ATP8B4: variants seen among roughly 807,000 people sequenced by gnomAD.
ATP8B4 encodes probable phospholipid-transporting ATPase IM.
ATP8B4 carries 133 observed loss-of-function variants against 145.6 expected under a neutral mutation model. That is an observed-to-expected ratio of 0.91 (90% CI 0.79 to 1.05). ATP8B4 has a LOEUF of 1.05. Among genes scored for constraint, ATP8B4 ranks in the 50% least tolerant of loss-of-function variants. The pLI is 0.00. For synonymous variants in ATP8B4, 507 were observed against 492.9 expected (o/e 1.03, Z -0.38); for missense variants, 1,458 against 1,425.2 (o/e 1.02, Z -0.37).
At chr15:50,112,285 C>G (rs2153672307) in intron 1 of ATP8B4, among the ~76,000 whole-genome samples, 1 of 152,198 alleles carries the variant, frequency 6.6e-6, no homozygotes, top group Admixed American at 6.5e-5. Flanking sequence ...CTTGCTGGCC[C>G]AGAGACCTGC....
At chr15:50,014,238 C>A (rs1034668925) in intron 6 of ATP8B4, among the ~76,000 whole-genome samples, 2 of 152,094 alleles carry the variant, frequency 1.3e-5, no homozygotes, top group Admixed American at 6.6e-5. Context: ...ACCAATCAAT[C>A]CACTTAACCC....
chr15:49,863,041 C>G (rs1295851506), intron 26 of ATP8B4, among the ~76,000 whole-genome samples: 1 of 152,188 alleles, frequency 6.6e-6, no homozygotes, highest in East Asian at 1.9e-4. Flanking sequence ...CACATCAAAG[C>G]TACACAAAAA....
rs115144270 is a variant in ATP8B4 at position 49,981,458 on chromosome 15, T to C, written c.749-164A>G. Among the ~76,000 whole-genome samples the C allele has an allele frequency of 9.5e-3, 1,447 of 152,244 alleles. 26 individuals carry two copies. The highest frequency in any genetic ancestry group is 0.033 in the African/African-American group (1,375 of 41,552). ...TAAGTTGTACATGATTCTCAACAAT[T>C]AGGTTAACAACAATCCTGGAAGCTG... is the stretch of plus-strand genomic sequence containing the variant. On this transcript the variant is annotated intron_variant, in intron 10 of 27. Coordinates refer to ENST00000284509, the MANE Select transcript of ATP8B4 (RefSeq NM_024837.4).
intron 26 of ATP8B4, among the ~76,000 whole-genome samples, chr15:49,862,893 T>C (rs55874526): frequency 1.6e-3 from 240 of 152,326 alleles, no homozygotes; most frequent in African/African-American, 5.5e-3. Context: ...AAGCATTCTC[T>C]CACCCAGGCT....
At chr15:49,950,504 T>TATG (rs2042965443) in intron 14 of ATP8B4, among the ~76,000 whole-genome samples, 1 of 151,532 alleles carries the variant, frequency 6.6e-6, no homozygotes, top group Non-Finnish European at 1.5e-5. Context: ...TCAGTGGTGA[T>TATG]ATTCCCTTTA....
intron 12 of ATP8B4, among the ~76,000 whole-genome samples, chr15:49,975,212 C>A (rs2045557949): frequency 6.6e-6 from 1 of 151,986 alleles, no homozygotes. Flanking sequence ...AAGGTCAAAT[C>A]TTTTTAGGAA....
intron 6 of ATP8B4, among the ~76,000 whole-genome samples, chr15:50,036,277 C>T (rs1167771246): frequency 6.6e-6 from 1 of 152,070 alleles, no homozygotes; most frequent in Non-Finnish European, 1.5e-5. Flanking sequence ...GTCCTCAGCC[C>T]GAGCTCAAGG....
intron 15 of ATP8B4, among the ~76,000 whole-genome samples, chr15:49,931,603 T>C (rs1262497312): frequency 6.6e-6 from 1 of 152,112 alleles, no homozygotes; most frequent in African/African-American, 2.4e-5. Flanking sequence ...CAAACCTTTG[T>C]ATTTTCTGTG....
chr15:49,919,718 C>T (rs773016840), intron 18 of ATP8B4, among the ~76,000 whole-genome samples: 4 of 152,026 alleles, frequency 2.6e-5, no homozygotes, highest in South Asian at 4.1e-4. Context: ...CGCCCGGCCA[C>T]GATTTTTCAT....
intron 21 of ATP8B4, among the ~76,000 whole-genome samples, chr15:49,898,876 A>C (rs758607552): frequency 3.3e-5 from 5 of 152,254 alleles, no homozygotes; most frequent in Non-Finnish European, 7.3e-5. Flanking sequence ...ATCCAAATGC[A>C]TAAGAGCCTT....
intron 6 of ATP8B4, among the ~76,000 whole-genome samples, chr15:50,025,437 A>T (rs540132397): frequency 2.0e-5 from 3 of 152,266 alleles, no homozygotes; most frequent in Admixed American, 6.5e-5. Flanking sequence ...TCAGTCCCTC[A>T]TAATCACCAT....
At chr15:50,052,681 A>T (rs1302502054) in intron 3 of ATP8B4, among the ~76,000 whole-genome samples, 2 of 152,148 alleles carry the variant, frequency 1.3e-5, no homozygotes, top group East Asian at 1.9e-4. Flanking sequence ...AGGCAATGTC[A>T]TTGCTTCTCT....
intron 3 of ATP8B4, among the ~76,000 whole-genome samples, chr15:50,065,216 T>C (rs773472191): frequency 6.6e-6 from 1 of 152,214 alleles, no homozygotes; most frequent in Non-Finnish European, 1.5e-5. Context: ...ACTATAAATA[T>C]ATACAATTTT....
chr15:49,879,640 T>C lies in ATP8B4; in HGVS notation c.2698-181A>G, dbSNP rs1046060945. 30 of 571,516 alleles carry C rather than the reference T, an allele frequency of 5.2e-5. No individual in the cohort carries two copies. In the Admixed American group the frequency reaches 9.1e-4, roughly 17 times the overall value. The allele number at this position is 571,516 out of a possible 1,614,324, so 35.4% of individuals were successfully genotyped here. On this transcript the variant is annotated intron_variant, in intron 23 of 27. Transcript: ENST00000284509. ...TCTGGTGCCTTAATGGGATACTAGA[T>C]CTCTCTAAACGGCAGTTTCTTTATC...
intron 13 of ATP8B4, among the ~76,000 whole-genome samples, chr15:49,970,827 A>G (rs1291060824): frequency 6.6e-6 from 1 of 152,168 alleles, no homozygotes; most frequent in African/African-American, 2.4e-5. Flanking sequence ...AATCCTAAGC[A>G]AAAAGAACAA....
intron 1 of ATP8B4, among the ~76,000 whole-genome samples, chr15:50,154,220 C>A (rs2044384621): frequency 6.6e-6 from 1 of 152,138 alleles, no homozygotes; most frequent in South Asian, 2.1e-4. Flanking sequence ...ATTTATCACA[C>A]AGGATTCTTT....
chr15:49,864,062 A>G (rs2032349476), intron 26 of ATP8B4, among the ~76,000 whole-genome samples: 1 of 152,194 alleles, frequency 6.6e-6, no homozygotes, highest in Non-Finnish European at 1.5e-5. Context: ...TAAAACAAAA[A>G]TAGTTTTGGT....
chr15:50,028,817 T>G (rs2050199831), intron 6 of ATP8B4, among the ~76,000 whole-genome samples: 1 of 152,066 alleles, frequency 6.6e-6, no homozygotes, highest in Non-Finnish European at 1.5e-5. Context: ...AACGAACAAA[T>G]GAACGAACAT....
chr15:50,172,484 G>C (rs563325570), intron 1 of ATP8B4, among the ~76,000 whole-genome samples: 18 of 152,290 alleles, frequency 1.2e-4, no homozygotes, highest in Non-Finnish European at 2.1e-4. Flanking sequence ...GCGTGATCTC[G>C]GCTCGCTACA....
Sources: gnomAD v4.1 joint callset for allele counts (sites outside exome capture counted in the v4.1 genomes callset) on GRCh38, gnomAD v4.1.1 for gene constraint, MANE v1.5 for transcripts, NCBI Gene and HGNC (gene_info 2026-07-23, HGNC 2026-07-21) for gene names.